FADS2: variants seen among roughly 807,000 people sequenced by gnomAD.
The protein encoded by FADS2 is fatty acid desaturase 2, also known as acyl-CoA 6-desaturase.
Under a neutral mutation model 61.2 loss-of-function variants are expected in FADS2, and 18 were observed. The observed-to-expected ratio is 0.29, with a 90% CI of 0.20 to 0.44. FADS2 has a LOEUF of 0.44. FADS2 is among the 20% of genes least tolerant of loss of function. The pLI, the probability that FADS2 is intolerant of heterozygous loss-of-function variation, is 1.00. For missense variants in FADS2, 322 were observed against 572.7 expected (o/e 0.56, Z 4.47); for synonymous variants, 203 against 223.9 (o/e 0.91, Z 0.83).
chr11:61,818,935 A>G (rs1041809369), intron 1 of FADS2, among the ~76,000 whole-genome samples: 4 of 151,428 alleles, frequency 2.6e-5, no homozygotes, highest in South Asian at 4.2e-4. Flanking sequence ...CAGTGGCCTG[A>G]TCTCAGCTTG....
intron 1 of FADS2, among the ~76,000 whole-genome samples, chr11:61,817,963 G>GA (rs1205771696): frequency 2.6e-5 from 4 of 152,158 alleles, no homozygotes; most frequent in African/African-American, 7.2e-5. Context: ...AACTGAGCCC[G>GA]GGGGAGGTTA....
chr11:61,819,019 CG>C (rs1198444939), intron 1 of FADS2, among the ~76,000 whole-genome samples: 5 of 151,880 alleles, frequency 3.3e-5, no homozygotes, highest in African/African-American at 1.2e-4. Flanking sequence ...TACAGGTGCC[CG>C]CCACCACGCC....
intron 1 of FADS2, among the ~76,000 whole-genome samples, chr11:61,836,013 A>T (rs761501014): frequency 2.6e-4 from 39 of 152,240 alleles, no homozygotes; most frequent in Middle Eastern, 3.4e-3. Context: ...TTCTCATTCA[A>T]CTCCCGAAAA....
rs201392666 is a variant in FADS2 at position 61,852,019 on chromosome 11, G to A, written c.744+3735G>A. On this transcript the variant is annotated intron_variant, in intron 5 of 11. Transcript: ENST00000278840. Reference sequence around the variant, plus strand: ...ATGGGATATGGGTAGGATGATGTTCGGCCTTCACTTTTCTCCAGAGTCGGC... The same window carrying A: ...ATGGGATATGGGTAGGATGATGTTCAGCCTTCACTTTTCTCCAGAGTCGGC... Among the ~76,000 whole-genome samples, 26 of 152,154 alleles carry A rather than the reference G, an allele frequency of 1.7e-4. No homozygotes were observed. The East Asian group carries it at 4.4e-3, about 26-fold the overall frequency.
rs553613434 is a variant in FADS2 at position 61,857,613 on chromosome 11, G to A, written c.882+83G>A. On this transcript the variant is annotated intron_variant, in intron 7 of 11. Coordinates refer to ENST00000278840, the MANE Select transcript of FADS2 (RefSeq NM_004265.4). ...CCCGGGGGTCCTACGCTGCCTCCTC[G>A]TGTGCCCCAGTGGAGCCTGTGGGGC... is the stretch of plus-strand genomic sequence containing the variant. The A allele has an allele frequency of 1.1e-4, 128 of 1,210,212 alleles. No individual in the cohort carries two copies. The East Asian group carries it at 1.4e-3, about 13-fold the overall frequency. 75.0% of individuals were successfully genotyped at this position (1,210,212 alleles called of 1,614,324 possible).
chr11:61,865,771 G>C lies in FADS2; in HGVS notation c.*82G>C. Reference sequence around the variant, plus strand: ...GAATGATGGGCTTTTGTTCTGAGGGGTGTCCGAGAGGCTGGTGTATGCACT... The same window carrying C: ...GAATGATGGGCTTTTGTTCTGAGGGCTGTCCGAGAGGCTGGTGTATGCACT... On this transcript the variant is annotated 3_prime_UTR_variant, in exon 12 of 12. Coordinates refer to ENST00000278840, the MANE Select transcript of FADS2 (RefSeq NM_004265.4). The surrounding 1 kb of genome is among the most constrained non-coding windows in gnomAD (Gnocchi z 4.1). The C allele has an allele frequency of 8.3e-7, 1 of 1,211,918 alleles. No individual in the cohort carries two copies. The highest frequency in any genetic ancestry group is 1.5e-5 in the African/African-American group (1 of 67,202). 75.1% of individuals were successfully genotyped at this position (1,211,918 alleles called of 1,614,324 possible).
At chr11:61,863,118 G>T in intron 8 of FADS2, 49 bp downstream of exon 8, 1 of 1,550,396 alleles carries the variant, frequency 6.4e-7, no homozygotes, top group South Asian at 1.1e-5. Context: ...TGGCACTGAT[G>T]ATGGCTTTGG....
At chr11:61,831,042 T>C (rs1306320826) in intron 1 of FADS2, among the ~76,000 whole-genome samples, 2 of 152,174 alleles carry the variant, frequency 1.3e-5, no homozygotes, top group East Asian at 1.9e-4. Context: ...GAACTGGGGA[T>C]ACAGATTTGA....
chr11:61,859,533 C>G (rs566194227), intron 7 of FADS2, among the ~76,000 whole-genome samples: 1 of 152,312 alleles, frequency 6.6e-6, no homozygotes, highest in East Asian at 1.9e-4. Context: ...AAGTCCTCTC[C>G]TCTTCTCCCA....
rs1440490791 is a variant in FADS2 at position 61,866,156 on chromosome 11, C to T, written c.*467C>T. ...AGTCGGGCAGGGCCCCTGACCCTCC[C>T]GGCCTGGCTTCACTCTCCCTGACGG... On this transcript the variant is annotated 3_prime_UTR_variant, in exon 12 of 12. Coordinates refer to ENST00000278840, the MANE Select transcript of FADS2 (RefSeq NM_004265.4). 11 of 398,642 alleles carry T rather than the reference C, an allele frequency of 2.8e-5. No individual in the cohort carries two copies. The highest frequency in any genetic ancestry group is 6.2e-4 in the Middle Eastern group (1 of 1,614). The allele number at this position is 398,642 out of a possible 1,614,324, so 24.7% of individuals were successfully genotyped here. A position where few individuals can be genotyped will look rare whatever the true frequency, so the allele number is the denominator to read the frequency against.
At position 61,828,421 on chromosome 11, in the gene FADS2, G is replaced by A. The variant is rs758112576; in HGVS notation, c.31G>A (p.Ala11Thr). ...GAAGGGAGGGAACCAGGGCGAGGGGGCCGCCGAGCGCGAGGTGTCGGTGCC... is the reference window on the plus strand; with the variant it reads ...GAAGGGAGGGAACCAGGGCGAGGGGACCGCCGAGCGCGAGGTGTCGGTGCC... MGKGGNQGEG[A>T]AEREVSVPTF... The change falls in exon 1 of 12, where the codon GCC becomes ACC. Residue 11 changes from alanine to threonine, a missense_variant. Physicochemically the swap from Ala to Thr is moderately conservative, Grantham distance 58. Transcript: ENST00000278840. This position sits in a 1 kb window ranked among gnomAD's most constrained non-coding sequence, Gnocchi z 6.4. 1.9e-6 allele frequency: 3 copies of A among 1,578,500 alleles called. No homozygotes were observed. Among genetic ancestry groups the A allele is most frequent in the Non-Finnish European group, 1.7e-6 (2 of 1,163,522 alleles).
intron 4 of FADS2, among the ~76,000 whole-genome samples, chr11:61,842,330 G>A (rs1044288983): frequency 2.6e-5 from 4 of 152,242 alleles, no homozygotes; most frequent in Admixed American, 6.5e-5. Context: ...GGGAGAGGGT[G>A]CACATAGTGG....
chr11:61,840,227 A>C (rs2067207029), intron 2 of FADS2, 107 bp from the exon 3 acceptor site: 3 of 940,124 alleles, frequency 3.2e-6, no homozygotes, highest in South Asian at 2.8e-5. Context: ...CCCTCTTGCC[A>C]CAGCTTCTCT....
At position 61,865,091 on chromosome 11, in the gene FADS2, G is replaced by T. The variant is rs1294474099; in HGVS notation, c.1158-61G>T. ...CCAGCCTCTGCCCAGGTGGTGGGAG[G>T]AAGCGGGAGCAGCATGGCCCTCTGA... On this transcript the variant is annotated intron_variant, in intron 10 of 11. Transcript: ENST00000278840. The surrounding 1 kb of genome is among the most constrained non-coding windows in gnomAD (Gnocchi z 4.1). The T allele has an allele frequency of 1.3e-6, 2 of 1,565,532 alleles. No homozygotes were observed. Among genetic ancestry groups the T allele is most frequent in the East Asian group, 4.5e-5 (2 of 44,076 alleles).
Position 61,866,441 on chromosome 11 carries a change from C to G in FADS2, c.*752C>G, listed in dbSNP as rs975261657. 2 of 156,948 alleles carry G rather than the reference C, an allele frequency of 1.3e-5. No individual in the cohort carries two copies. The highest frequency in any genetic ancestry group is 2.8e-5 in the Non-Finnish European group (2 of 71,480). 9.7% of individuals were successfully genotyped at this position (156,948 alleles called of 1,614,324 possible). A position where few individuals can be genotyped will look rare whatever the true frequency, so the allele number is the denominator to read the frequency against. ...GACCTTGGGACCAAAGGGGGAGTCC[C>G]TCGTCTCTTGTGACTCAGCAGAGGC... On this transcript the variant is annotated 3_prime_UTR_variant, in exon 12 of 12. Coordinates refer to ENST00000278840, the MANE Select transcript of FADS2 (RefSeq NM_004265.4).
chr11:61,827,438 C>T (rs2067093790), upstream of FADS2: 1 of 134,926 alleles, frequency 7.4e-6, no homozygotes, highest in Non-Finnish European at 1.7e-5. The surrounding 1 kb of genome is among the most constrained non-coding windows in gnomAD (Gnocchi z 4.5). Context: ...AGAGGTTCCG[C>T]AATTCTTTTC....
rs1473987882 is a variant in FADS2 at position 61,840,412 on chromosome 11, TTCC to T, written c.408_410del (p.Leu137del). 1 of 1,614,114 alleles carries T rather than the reference TTCC, an allele frequency of 6.2e-7. No individual in the cohort carries two copies. Among genetic ancestry groups the T allele is most frequent in the Non-Finnish European group, 8.5e-7 (1 of 1,179,948 alleles). ...CCTGTTCAAGACCAACCACGTGTTC[TTCC>T]TCCTCCTCCTGGCCCACATCATCGC... On this transcript the variant is annotated inframe_deletion, in exon 3 of 12. Coordinates refer to ENST00000278840, the MANE Select transcript of FADS2 (RefSeq NM_004265.4).
At position 61,863,715 on chromosome 11, in the gene FADS2, C is replaced by T; in HGVS notation, c.1086C>T (p.Ala362=). 6.2e-7 allele frequency: 1 copy of T among 1,613,982 alleles called. No homozygotes were observed. Among genetic ancestry groups the T allele is most frequent in the African/African-American group, 1.3e-5 (1 of 75,060 alleles). The part of the protein sequence containing the change: ...YRDWFSSQLT[A]TCNVEQSFFN... ...ATCCCCTCCACTGACAGCTGACAGC[C>T]ACCTGCAACGTGGAGCAGTCCTTCT... Residue 362 remains alanine, a synonymous_variant, in exon 10 of 12, where the codon GCC becomes GCT. Coordinates refer to ENST00000278840, the MANE Select transcript of FADS2 (RefSeq NM_004265.4).
chr11:61,864,198 T>G (rs1447776267), intron 10 of FADS2: 1 of 159,400 alleles, frequency 6.3e-6, no homozygotes, highest in Non-Finnish European at 1.4e-5. Flanking sequence ...TTTTTTTTTT[T>G]TTTATTAAAA....
Sources: gnomAD v4.1 joint callset for allele counts (sites outside exome capture counted in the v4.1 genomes callset) on GRCh38, gnomAD v4.1.1 for gene constraint, Gnocchi (gnomAD v3.1) non-coding constraint, MANE v1.5 for transcripts, NCBI Gene and HGNC (gene_info 2026-07-23, HGNC 2026-07-21) for gene names.